Variants in POU2F1 observed in about 807,000 individuals in gnomAD.
POU2F1 encodes the protein POU class 2 homeobox 1.
POU2F1 carries 16 observed loss-of-function variants against 84.9 expected under a neutral mutation model. The observed-to-expected ratio is 0.19, with a 90% confidence interval of 0.13 to 0.29. POU2F1 has a LOEUF of 0.29. Among genes scored for constraint, POU2F1 ranks in the 10% least tolerant of loss-of-function variants. The pLI is 1.00. For synonymous variants in POU2F1, 368 were observed against 368.3 expected, an observed-to-expected ratio of 1.00 and a Z score of 0.01; for missense variants, 738 against 942.6, an observed-to-expected ratio of 0.78 and a Z score of 2.84.
intron 13 of POU2F1, among the ~76,000 whole-genome samples, chr1:167,411,423 A>G (rs959177150): frequency 2.0e-5 from 3 of 151,892 alleles, no homozygotes; most frequent in Admixed American, 6.5e-5. Context: ...TTTTACCACA[A>G]TGGACTTTTT....
chr1:167,405,484 C>T (rs1011685354), intron 13 of POU2F1, among the ~76,000 whole-genome samples: 1 of 151,476 alleles, frequency 6.6e-6, no homozygotes, highest in African/African-American at 2.4e-5. Context: ...TCAAAACCTG[C>T]CTGGGCAACA....
At chr1:167,287,630 A>G (rs1653626964) in intron 1 of POU2F1, among the ~76,000 whole-genome samples, 1 of 152,238 alleles carries the variant, frequency 6.6e-6, no homozygotes, top group South Asian at 2.1e-4. Context: ...TCTGAGATGA[A>G]AAATGCAAAA....
intron 2 of POU2F1, among the ~76,000 whole-genome samples, chr1:167,364,321 G>A (rs957184182): frequency 1.3e-5 from 2 of 151,592 alleles, no homozygotes; most frequent in African/African-American, 4.8e-5. Context: ...ACGAGGTCAG[G>A]AGATCGAGAC....
At chr1:167,324,102 A>G (rs1656523040) in intron 1 of POU2F1, among the ~76,000 whole-genome samples, 1 of 152,346 alleles carries the variant, frequency 6.6e-6, no homozygotes, top group South Asian at 2.1e-4. Context: ...GATAAAGGGT[A>G]ATTACTAAAA....
intron 1 of POU2F1, among the ~76,000 whole-genome samples, chr1:167,325,185 T>C (rs1656612147): frequency 6.6e-6 from 1 of 152,190 alleles, no homozygotes; most frequent in African/African-American, 2.4e-5. Context: ...TGTAAGTAAG[T>C]TAATAGGACA....
At position 167,275,336 on chromosome 1, in the gene POU2F1, T is replaced by C. The variant is rs79023816; in HGVS notation, c.61+54378T>C. ...CCACTGTGCCCGGCTGTAATAATTA[T>C]TGATAATAGAACTATGATGAGAACA... On this transcript the variant is annotated intron_variant, in intron 1 of 15. Transcript: ENST00000367866. 2.8e-3 allele frequency among the ~76,000 whole-genome samples: 420 copies of C among 152,226 alleles called. 4 individuals carry two copies. The highest frequency in any genetic ancestry group is 9.8e-3 in the African/African-American group (405 of 41,532).
At chr1:167,336,276 A>C (rs1225622867) in intron 2 of POU2F1, among the ~76,000 whole-genome samples, 1 of 152,218 alleles carries the variant, frequency 6.6e-6, no homozygotes, top group Non-Finnish European at 1.5e-5. Flanking sequence ...ATAATTTTGT[A>C]ACCACCTCTT....
intron 7 of POU2F1, 168 bp from the exon 8 acceptor site, chr1:167,383,689 A>C: frequency 1.7e-6 from 1 of 575,180 alleles, no homozygotes; most frequent in South Asian, 2.3e-5. Flanking sequence ...TCCAAGTTGT[A>C]AAACAAGATT....
intron 1 of POU2F1, among the ~76,000 whole-genome samples, chr1:167,266,527 C>T (rs1347261703): frequency 6.6e-6 from 1 of 151,628 alleles, no homozygotes; most frequent in Non-Finnish European, 1.5e-5. Flanking sequence ...ATCAGAATGT[C>T]AAATATTTAA....
At chr1:167,300,705 C>A (rs936038216) in intron 1 of POU2F1, among the ~76,000 whole-genome samples, 1 of 152,062 alleles carries the variant, frequency 6.6e-6, no homozygotes, top group Non-Finnish European at 1.5e-5. Context: ...CCTCGTGATC[C>A]GCCCACCTCG....
intron 2 of POU2F1, 62 bp downstream of exon 2, chr1:167,332,597 C>T: frequency 7.4e-7 from 1 of 1,359,348 alleles, no homozygotes; most frequent in South Asian, 1.2e-5. Flanking sequence ...AGAAAGTTTC[C>T]ATGTAACTAG....
chr1:167,231,745 C>T (rs1001832635), intron 1 of POU2F1, among the ~76,000 whole-genome samples: 2 of 152,080 alleles, frequency 1.3e-5, no homozygotes, highest in East Asian at 1.9e-4. Flanking sequence ...ATTTGAAGTA[C>T]CCCAGGAGCA....
intron 12 of POU2F1, 102 bp from the exon 13 acceptor site, chr1:167,401,349 T>C: frequency 1.5e-6 from 1 of 680,390 alleles, no homozygotes; most frequent in Non-Finnish European, 2.5e-6. Context: ...ACATAGGATG[T>C]CAGGTGTCTC....
intron 1 of POU2F1, among the ~76,000 whole-genome samples, chr1:167,226,992 T>C (rs1648678771): frequency 6.6e-6 from 1 of 152,142 alleles, no homozygotes; most frequent in African/African-American, 2.4e-5. Flanking sequence ...TCTTGCTATG[T>C]TGCCTAGGCT....
chr1:167,343,153 A>G (rs540911013), intron 2 of POU2F1, among the ~76,000 whole-genome samples: 1 of 152,210 alleles, frequency 6.6e-6, no homozygotes, highest in African/African-American at 2.4e-5. Flanking sequence ...ACTTTAGGTC[A>G]GGGGTGGGGG....
intron 1 of POU2F1, among the ~76,000 whole-genome samples, chr1:167,328,411 T>C (rs540706446): frequency 1.2e-4 from 18 of 152,322 alleles, no homozygotes; most frequent in Admixed American, 5.9e-4. Context: ...AAATTCCCTA[T>C]CAGTAGACTA....
At chr1:167,228,095 G>A (rs543798922) in intron 1 of POU2F1, among the ~76,000 whole-genome samples, 1 of 152,174 alleles carries the variant, frequency 6.6e-6, no homozygotes, top group Admixed American at 6.6e-5. Flanking sequence ...CTTTTAAACC[G>A]AGCTTTAAAG....
In POU2F1 at chr1:167,288,499, G is replaced by A. The variant is rs1653689773; in HGVS notation, c.62-43971G>A. 2.6e-5 allele frequency among the ~76,000 whole-genome samples: 4 copies of A among 152,198 alleles called. No homozygotes were observed. The South Asian group carries it at 8.3e-4, about 32-fold the overall frequency. On this transcript the variant is annotated intron_variant, in intron 1 of 15. Transcript: ENST00000367866. The stretch of plus-strand genomic sequence containing the variant: ...AGCTCAGGAGTTCGAGTCTAGCCCA[G>A]GCAACATAATGAGGCCCCATCTCTA...
chr1:167,221,747 G>A lies in POU2F1; in HGVS notation c.61+789G>A, dbSNP rs79480456. Among the ~76,000 whole-genome samples, 632 of 151,882 alleles carry A rather than the reference G, an allele frequency of 4.2e-3. 2 individuals carry two copies. Among genetic ancestry groups the A allele is most frequent in the African/African-American group, 0.011 (469 of 41,484 alleles). The stretch of plus-strand genomic sequence containing the variant: ...CAGGCCTGCTCTCTAGGTGGGTAGG[G>A]GTGAGCGGTCGTGGGCGCTGCGAGG... On this transcript the variant is annotated intron_variant, in intron 1 of 15. Transcript: ENST00000367866.
Sources: gnomAD v4.1 joint callset for allele counts (sites outside exome capture counted in the v4.1 genomes callset) on GRCh38, gnomAD v4.1.1 for gene constraint, MANE v1.5 for transcripts, NCBI Gene and HGNC (gene_info 2026-07-23, HGNC 2026-07-21) for gene names.